The following ACAP2 variants were observed in gnomAD, a reference collection of about 807,000 sequenced individuals.
ACAP2 encodes ArfGAP with coiled-coil, ankyrin repeat and PH domains 2.
ACAP2 carries 39 observed loss-of-function variants against 115.8 expected under a neutral mutation model. That is an observed-to-expected ratio of 0.34 (90% CI 0.26 to 0.44). The LOEUF is 0.44. Ranked by LOEUF, ACAP2 falls within the 20% of genes least tolerant of loss-of-function variation. ACAP2 has a pLI of 1.00. For synonymous variants in ACAP2, 289 were observed against 315.8 expected (o/e 0.92, Z 0.90); for missense variants, 662 against 927.6 (o/e 0.71, Z 3.72).
intron 4 of ACAP2, among the ~76,000 whole-genome samples, chr3:195,352,754 T>A (rs1731694697): frequency 1.3e-5 from 2 of 152,164 alleles, no homozygotes; most frequent in African/African-American, 4.8e-5. Context: ...AACAGTATCA[T>A]GAAGAAAGTA....
chr3:195,416,806 CAA>C (rs780327084), intron 1 of ACAP2, among the ~76,000 whole-genome samples: 3 of 152,154 alleles, frequency 2.0e-5, no homozygotes, highest in Non-Finnish European at 2.9e-5. Flanking sequence ...ACACGTCCAA[CAA>C]AAGAGCAGCT....
At chr3:195,429,308 A>C (rs1343259876) in intron 1 of ACAP2, among the ~76,000 whole-genome samples, 2 of 151,344 alleles carry the variant, frequency 1.3e-5, no homozygotes, top group African/African-American at 4.9e-5. Context: ...GAACAGCTTG[A>C]ACCCAGGAGG....
intron 20 of ACAP2, among the ~76,000 whole-genome samples, 168 bp downstream of exon 20, chr3:195,291,538 C>G (rs1727253623): frequency 6.6e-6 from 1 of 152,114 alleles, no homozygotes; most frequent in African/African-American, 2.4e-5. Context: ...GTAGCTTTTT[C>G]TGAAAGAGAT....
At chr3:195,347,584 T>G (rs533030825) in intron 4 of ACAP2, among the ~76,000 whole-genome samples, 1 of 152,040 alleles carries the variant, frequency 6.6e-6, no homozygotes, top group Admixed American at 6.5e-5. Context: ...ATGGGAGAAC[T>G]TTCTGGATAA....
At chr3:195,421,629 GA>G (rs1714198961) in intron 1 of ACAP2, among the ~76,000 whole-genome samples, 1 of 152,206 alleles carries the variant, frequency 6.6e-6, no homozygotes, top group Non-Finnish European at 1.5e-5. Context: ...GCTGATTGAT[GA>G]GCAAGAAATC....
intron 4 of ACAP2, chr3:195,349,538 T>C (rs1416186480): frequency 6.6e-6 from 1 of 152,576 alleles, no homozygotes; most frequent in African/African-American, 2.4e-5. Context: ...TGCTTAAGGA[T>C]GAATTTGACA....
At chr3:195,369,582 G>C (rs1360907631) in intron 4 of ACAP2, among the ~76,000 whole-genome samples, 1 of 152,144 alleles carries the variant, frequency 6.6e-6, no homozygotes, top group African/African-American at 2.4e-5. Context: ...TGTTCCTACA[G>C]GACATGATCT....
intron 22 of ACAP2, 196 bp from the exon 23 acceptor site, chr3:195,279,624 G>GA: frequency 2.5e-6 from 1 of 395,910 alleles, no homozygotes. Context: ...AACTATACCT[G>GA]AAAAAAGCAC....
intron 1 of ACAP2, among the ~76,000 whole-genome samples, chr3:195,439,707 G>A (rs1715861055): frequency 1.3e-5 from 2 of 151,736 alleles, no homozygotes; most frequent in Non-Finnish European, 2.9e-5. Flanking sequence ...GCTCACTACA[G>A]CCTCTGCCTC....
chr3:195,318,066 A>G (rs1729209674), intron 10 of ACAP2, among the ~76,000 whole-genome samples: 2 of 152,162 alleles, frequency 1.3e-5, no homozygotes, highest in Admixed American at 1.3e-4. Flanking sequence ...CTGATAGTTT[A>G]AAAGTGGCAG....
intron 1 of ACAP2, among the ~76,000 whole-genome samples, chr3:195,414,747 T>C (rs1713575384): frequency 6.6e-6 from 1 of 152,196 alleles, no homozygotes; most frequent in Non-Finnish European, 1.5e-5. Flanking sequence ...TTTGAATTCA[T>C]GGATTAGAGA....
At chr3:195,408,308 C>G (rs1387285168) in intron 1 of ACAP2, among the ~76,000 whole-genome samples, 1 of 151,936 alleles carries the variant, frequency 6.6e-6, no homozygotes, top group Non-Finnish European at 1.5e-5. Context: ...ACAGGAGGTA[C>G]AAAAATTAGC....
At chr3:195,355,366 C>T (rs1042277679) in intron 4 of ACAP2, among the ~76,000 whole-genome samples, 2 of 147,684 alleles carry the variant, frequency 1.4e-5, no homozygotes, top group Non-Finnish European at 3.0e-5. Flanking sequence ...TAAACTGCTA[C>T]ACAGAAATTC....
Position 195,294,735 on chromosome 3 carries a change from A to C in ACAP2, c.1749T>G (p.Asn583Lys). The change falls in exon 18 of 23, where the codon AAT (asparagine) becomes AAG (lysine). Residue 583 changes from asparagine (N) to lysine (K), a missense_variant. Around this residue, in one of 3 missense-constraint regions of ACAP2, gnomAD observed 133 missense variants for 123.1 expected, o/e 1.08. Coordinates refer to ENST00000326793, the MANE Select transcript of ACAP2 (RefSeq NM_012287.6). Reference sequence around the variant, plus strand: ...AGAACTCACCAGGCTCATATAAACTATTGGCTGACACCGTGGAGGGTAAAG... The same window carrying C: ...AGAACTCACCAGGCTCATATAAACTCTTGGCTGACACCGTGGAGGGTAAAG... Reference protein sequence around the residue: ...RESLPSTVSANSLYEPEGERQ... With the variant: ...RESLPSTVSAKSLYEPEGERQ... 1 of 1,606,298 alleles carries C rather than the reference A, an allele frequency of 6.2e-7. No individual in the cohort carries two copies. Among genetic ancestry groups the C allele is most frequent in the Non-Finnish European group, 8.5e-7 (1 of 1,174,676 alleles).
At chr3:195,283,986 T>C (rs576615687) in intron 22 of ACAP2, among the ~76,000 whole-genome samples, 7 of 152,308 alleles carry the variant, frequency 4.6e-5, no homozygotes, top group South Asian at 2.1e-4. Flanking sequence ...TGGAAGACAT[T>C]TGAATGCTCC....
At chr3:195,415,980 T>A (rs1021683448) in intron 1 of ACAP2, among the ~76,000 whole-genome samples, 1 of 151,910 alleles carries the variant, frequency 6.6e-6, no homozygotes, top group Non-Finnish European at 1.5e-5. Context: ...AACAGGCCAA[T>A]AGAAAAATAA....
intron 13 of ACAP2, among the ~76,000 whole-genome samples, chr3:195,302,915 T>C (rs1036794753): frequency 6.6e-6 from 1 of 151,960 alleles, no homozygotes; most frequent in Non-Finnish European, 1.5e-5. Context: ...CAAGAGCCTG[T>C]CTCTAAAAAA....
chr3:195,356,200 G>C (rs775933701), intron 4 of ACAP2: 9 of 456,546 alleles, frequency 2.0e-5, no homozygotes, highest in African/African-American at 4.0e-5. Flanking sequence ...CGGGGAAAGA[G>C]CACAGCAACT....
intron 4 of ACAP2, among the ~76,000 whole-genome samples, 191 bp from the exon 5 acceptor site, chr3:195,345,508 G>C (rs1364886098): frequency 6.6e-6 from 1 of 152,060 alleles, no homozygotes; most frequent in African/African-American, 2.4e-5. Context: ...TCATCTCTCA[G>C]AAATAAAATT....
Sources: gnomAD v4.1 joint callset for allele counts (sites outside exome capture counted in the v4.1 genomes callset) on GRCh38, gnomAD v4.1.1 for gene constraint, gnomAD v4.1.1 regional missense constraint, MANE v1.5 for transcripts, NCBI Gene and HGNC (gene_info 2026-07-23, HGNC 2026-07-21) for gene names.